Variants in TMC1 observed in about 807,000 individuals in gnomAD.
The protein encoded by TMC1 is transmembrane channel like 1.
In TMC1, 84 loss-of-function variants were observed where a neutral mutation model predicts 105.8. The ratio of observed to expected loss-of-function variants is 0.79; its 90% confidence interval spans 0.67 to 0.95. The LOEUF is 0.95. Among genes scored for constraint, TMC1 ranks in the 40% least tolerant of loss-of-function variants. The pLI, the probability that TMC1 is intolerant of heterozygous loss-of-function variation, is 0.00. For synonymous variants in TMC1, 315 were observed against 311.5 expected (o/e 1.01, Z -0.12); for missense variants, 817 against 914.1 (o/e 0.89, Z 1.37).
intron 5 of TMC1, among the ~76,000 whole-genome samples, chr9:72,683,594 TGAGAA>T (rs1342260786): frequency 1.8e-4 from 27 of 150,754 alleles, no homozygotes; most frequent in Admixed American, 1.8e-3. Context: ...TTTTCCCCCT[TGAGAA>T]GAGAGATTTC....
intron 20 of TMC1, among the ~76,000 whole-genome samples, chr9:72,824,845 T>C (rs1055483296): frequency 5.3e-5 from 8 of 152,230 alleles, no homozygotes; most frequent in Non-Finnish European, 1.2e-4. Context: ...AGGATTTAAC[T>C]TGGACCTTGG....
intron 2 of TMC1, among the ~76,000 whole-genome samples, chr9:72,592,553 G>T (rs1254290952): frequency 6.6e-6 from 1 of 152,056 alleles, no homozygotes; most frequent in African/African-American, 2.4e-5. Flanking sequence ...TTCTCCTTTG[G>T]GTCCCACCTC....
intron 7 of TMC1, among the ~76,000 whole-genome samples, chr9:72,697,497 G>A (rs1826570484): frequency 6.6e-6 from 1 of 152,060 alleles, no homozygotes; most frequent in African/African-American, 2.4e-5. Context: ...TTAGAAAAGG[G>A]ATTCTTAAAG....
intron 11 of TMC1, among the ~76,000 whole-genome samples, chr9:72,752,447 AAC>A (rs10640023): frequency 1.4e-3 from 215 of 148,770 alleles, no homozygotes; most frequent in African/African-American, 3.5e-3. Context: ...TAATGCCCAC[AAC>A]ACACACACAC....
At chr9:72,714,327 TTC>T (rs1378776401) in intron 8 of TMC1, among the ~76,000 whole-genome samples, 1 of 152,170 alleles carries the variant, frequency 6.6e-6, no homozygotes, top group East Asian at 1.9e-4. Flanking sequence ...CTTGTTAATT[TTC>T]TGTCTCGTTG....
chr9:72,625,684 T>C (rs1313319691), intron 3 of TMC1, among the ~76,000 whole-genome samples: 2 of 139,486 alleles, frequency 1.4e-5, no homozygotes, highest in African/African-American at 5.6e-5. Flanking sequence ...CGAGACTCTG[T>C]CTCAAAAAAA....
intron 1 of TMC1, among the ~76,000 whole-genome samples, chr9:72,564,441 A>C (rs1388146172): frequency 6.6e-6 from 1 of 152,290 alleles, no homozygotes; most frequent in South Asian, 2.1e-4. Flanking sequence ...TTCTCTTTTT[A>C]GGGGAGGAGG....
chr9:72,835,002 C>T (rs1829098169), intron 23 of TMC1, among the ~76,000 whole-genome samples: 1 of 152,086 alleles, frequency 6.6e-6, no homozygotes, highest in South Asian at 2.1e-4. Flanking sequence ...TTTTTCCTCC[C>T]CTGGCTTAGC....
intron 2 of TMC1, among the ~76,000 whole-genome samples, chr9:72,608,223 T>A (rs938166219): frequency 6.6e-6 from 1 of 152,156 alleles, no homozygotes; most frequent in African/African-American, 2.4e-5. Context: ...CCAGAAAATA[T>A]CTTCTTGCAT....
chr9:72,542,196 C>T (rs111260731), intron 1 of TMC1, among the ~76,000 whole-genome samples: 4 of 152,184 alleles, frequency 2.6e-5, no homozygotes, highest in African/African-American at 9.6e-5. Context: ...CGCGGTGGCT[C>T]GTGCCTGTAA....
intron 13 of TMC1, among the ~76,000 whole-genome samples, chr9:72,780,952 A>G (rs1208789529): frequency 6.6e-6 from 1 of 152,168 alleles, no homozygotes; most frequent in Admixed American, 6.5e-5. Flanking sequence ...TGAACTCAAC[A>G]CATGACCAAA....
At chr9:72,680,297 A>G (rs1826265470) in intron 5 of TMC1, among the ~76,000 whole-genome samples, 1 of 152,130 alleles carries the variant, frequency 6.6e-6, no homozygotes, top group East Asian at 1.9e-4. Context: ...TATACAAATT[A>G]TATATAGGTT....
chr9:72,587,009 T>C (rs1457742406), intron 2 of TMC1, among the ~76,000 whole-genome samples: 1 of 152,132 alleles, frequency 6.6e-6, no homozygotes, highest in Non-Finnish European at 1.5e-5. Flanking sequence ...GTGTCAACTG[T>C]GGGGTGGTGG....
At chr9:72,769,454 T>C (rs2118116234) in intron 12 of TMC1, among the ~76,000 whole-genome samples, 1 of 152,314 alleles carries the variant, frequency 6.6e-6, no homozygotes, top group Admixed American at 6.5e-5. Flanking sequence ...AGGCCTCTCC[T>C]TGCAGGAGCA....
intron 5 of TMC1, among the ~76,000 whole-genome samples, chr9:72,662,176 T>C (rs1825977660): frequency 7.2e-6 from 1 of 139,350 alleles, no homozygotes; most frequent in South Asian, 2.5e-4. Context: ...TTTGACACAT[T>C]TTCTTTTTCT....
intron 8 of TMC1, among the ~76,000 whole-genome samples, chr9:72,739,758 A>G (rs1218031081): frequency 6.6e-6 from 1 of 152,208 alleles, no homozygotes; most frequent in Non-Finnish European, 1.5e-5. Flanking sequence ...GAAGAAGAGG[A>G]AGTATTTTAA....
intron 5 of TMC1, among the ~76,000 whole-genome samples, chr9:72,684,266 C>G (rs1826339539): frequency 6.6e-6 from 1 of 152,102 alleles, no homozygotes; most frequent in Non-Finnish European, 1.5e-5. Flanking sequence ...GTTCATAAAG[C>G]CACTTGAATT....
chr9:72,750,417 C>T (rs969755370), intron 10 of TMC1, among the ~76,000 whole-genome samples: 10 of 152,214 alleles, frequency 6.6e-5, no homozygotes, highest in Non-Finnish European at 1.5e-4. Flanking sequence ...ATTGGGAAAG[C>T]TAGCAACTTG....
intron 5 of TMC1, among the ~76,000 whole-genome samples, chr9:72,675,882 A>G (rs1663750): frequency 0.5 from 75,355 of 151,952 alleles, 18,998 homozygotes; most frequent in African/African-American, 0.59. Context: ...GGCTGAGAGA[A>G]GTCGTGTAAA....
Sources: allele counts gnomAD v4.1 joint callset (sites outside exome capture counted in the v4.1 genomes callset), GRCh38; gene constraint gnomAD v4.1.1; transcripts MANE v1.5; gene names NCBI Gene and HGNC (gene_info 2026-07-23, HGNC 2026-07-21).